The following JAK1 variants were observed in gnomAD, a reference collection of about 807,000 sequenced individuals.
The protein encoded by JAK1 is Janus kinase 1, also known as tyrosine-protein kinase JAK1.
Under a neutral mutation model 136.6 loss-of-function variants are expected in JAK1, and 16 were observed. The observed-to-expected ratio is 0.12, with a 90% CI of 0.08 to 0.18. The LOEUF is 0.18. Among genes scored for constraint, JAK1 ranks in the 10% least tolerant of loss-of-function variants. JAK1 has a pLI of 1.00. For missense variants in JAK1, 859 were observed against 1,450.1 expected, an observed-to-expected ratio of 0.59 and a Z score of 6.62; for synonymous variants, 492 against 519.5, an observed-to-expected ratio of 0.95 and a Z score of 0.72.
intron 1 of JAK1, among the ~76,000 whole-genome samples, chr1:64,903,200 C>T (rs1412530185): frequency 1.3e-5 from 2 of 152,074 alleles, no homozygotes; most frequent in African/African-American, 4.8e-5. Flanking sequence ...TTAATTTTTG[C>T]ATTTTTAGTA....
intron 1 of JAK1, among the ~76,000 whole-genome samples, chr1:65,056,989 G>A (rs1647575059): frequency 6.6e-6 from 1 of 150,998 alleles, no homozygotes; most frequent in South Asian, 2.1e-4. Flanking sequence ...TCTCTCTGTG[G>A]TAGGTAGGTT....
chr1:65,047,612 G>C (rs1240877378), intron 1 of JAK1, among the ~76,000 whole-genome samples: 5 of 152,040 alleles, frequency 3.3e-5, no homozygotes, highest in Admixed American at 6.5e-5. Context: ...CCAGCTACTC[G>C]GGAGGCTGAG....
chr1:64,918,885 G>A (rs879152268), intron 1 of JAK1, among the ~76,000 whole-genome samples: 3 of 151,790 alleles, frequency 2.0e-5, no homozygotes, highest in Admixed American at 6.6e-5. Flanking sequence ...CAAATACTAC[G>A]CTTCTTTAAA....
In JAK1 at chr1:64,939,371, C is replaced by T. The variant is rs371981722; in HGVS notation, c.-78+26962G>A. On this transcript the variant is annotated intron_variant, in intron 1 of 24. Transcript: ENST00000342505. ...CACAGGACAAGGAAAGAAGTTCAAACGTCTAATCAGTGCCAACTTCCATAC... is the reference window on the plus strand; with the variant it reads ...CACAGGACAAGGAAAGAAGTTCAAATGTCTAATCAGTGCCAACTTCCATAC... 3.9e-5 allele frequency among the ~76,000 whole-genome samples: 6 copies of T among 152,196 alleles called. No individual in the cohort carries two copies. In the East Asian group the frequency reaches 5.8e-4, roughly 15 times the overall value.
upstream of JAK1, among the ~76,000 whole-genome samples, chr1:64,967,882 T>A (rs1646411516): frequency 6.6e-6 from 1 of 152,100 alleles, no homozygotes; most frequent in South Asian, 2.1e-4. Flanking sequence ...ATTGTGGGTG[T>A]TTGTGTGCAA....
intron 2 of JAK1, among the ~76,000 whole-genome samples, chr1:65,022,465 G>A (rs1291005700): frequency 6.6e-6 from 1 of 152,096 alleles, no homozygotes; most frequent in Non-Finnish European, 1.5e-5. Flanking sequence ...CTGCATTTTA[G>A]GATTTCCATA....
rs2100959645 is a variant in JAK1 at position 64,839,637 on chromosome 1, G to A, written c.2808C>T (p.Asn936=). The stretch of plus-strand genomic sequence containing the variant: ...TGCAGATTCCTTTGTACTTCACAAT[G>A]TTCTCATGATAGAGGTTCCTTAAGA... ...IEILRNLYHE[N]IVKYKGICTE... The change falls in exon 20 of 25, where the codon AAC becomes AAT. Residue 936 remains asparagine (N), a synonymous_variant. Transcript: ENST00000342505. 1 of 1,614,184 alleles carries A rather than the reference G, an allele frequency of 6.2e-7. No homozygotes were observed. The highest frequency in any genetic ancestry group is 8.5e-7 in the Non-Finnish European group (1 of 1,180,010).
At chr1:64,941,536 A>G (rs2100519041) in intron 1 of JAK1, among the ~76,000 whole-genome samples, 1 of 152,340 alleles carries the variant, frequency 6.6e-6, no homozygotes, top group Admixed American at 6.5e-5. Context: ...AATTATTTCA[A>G]ATTTCCCATG....
rs748932663 is a variant in JAK1 at position 64,873,363 on chromosome 1, T to G, written c.483+7A>C. 1 of 1,614,036 alleles carries G rather than the reference T, an allele frequency of 6.2e-7. No individual in the cohort carries two copies. The highest frequency in any genetic ancestry group is 1.1e-5 in the South Asian group (1 of 91,068). On this transcript the variant is annotated splice_region_variant and intron_variant, in intron 5 of 24. Transcript: ENST00000342505. ...ACTCCAGCTTCTCCTGGGCCCAAAC[T>G]TCCTACCTGAGCAAACAGATACTCC...
intron 1 of JAK1, among the ~76,000 whole-genome samples, chr1:64,897,479 G>A (rs755666865): frequency 5.3e-4 from 2 of 3,760 alleles, no homozygotes; most frequent in Non-Finnish European, 1.3e-3. Context: ...GGAGGAGGGG[G>A]GGAGGGGGAG....
At chr1:64,860,349 GATTTTTATAA>G in intron 8 of JAK1, 87 bp from the exon 9 acceptor site, 1 of 1,113,472 alleles carries the variant, frequency 9.0e-7, no homozygotes. Flanking sequence ...ACAGTGAGAA[GATTTTTATAA>G]CCCAATGGGA....
chr1:64,880,692 A>T (rs1306533452), intron 3 of JAK1, among the ~76,000 whole-genome samples: 1 of 152,222 alleles, frequency 6.6e-6, no homozygotes. Flanking sequence ...TTGGCCGGGC[A>T]AAGTGGCTCA....
chr1:65,034,829 C>T (rs186175385), intron 2 of JAK1, among the ~76,000 whole-genome samples: 16 of 152,110 alleles, frequency 1.1e-4, no homozygotes, highest in South Asian at 4.2e-4. Context: ...CCAAGGCGGG[C>T]GGATCACTTG....
At chr1:65,005,909 T>A (rs1402638184) in intron 2 of JAK1, among the ~76,000 whole-genome samples, 1 of 151,960 alleles carries the variant, frequency 6.6e-6, no homozygotes, top group African/African-American at 2.4e-5. Flanking sequence ...AAGTTGCCAT[T>A]CCAGATATTA....
At chr1:64,983,885 A>T (rs978802633) in intron 2 of JAK1, among the ~76,000 whole-genome samples, 10 of 152,366 alleles carry the variant, frequency 6.6e-5, no homozygotes, top group Admixed American at 6.5e-4. Context: ...TGAGAAATTA[A>T]ACTTAAGAGT....
At chr1:64,836,055 T>C in intron 23 of JAK1, 43 bp downstream of exon 23, 1 of 1,076,758 alleles carries the variant, frequency 9.3e-7, no homozygotes, top group Non-Finnish European at 1.4e-6. Context: ...GGACACATTT[T>C]AAATGGGTAC....
chr1:64,847,395 GA>G, intron 13 of JAK1, 136 bp downstream of exon 13: 1 of 1,008,952 alleles, frequency 9.9e-7, no homozygotes, highest in Non-Finnish European at 1.5e-6. Context: ...CATATGTGGA[GA>G]AAAAAATTCT....
intron 1 of JAK1, among the ~76,000 whole-genome samples, chr1:65,059,605 G>T (rs1284612603): frequency 6.6e-6 from 1 of 152,034 alleles, no homozygotes; most frequent in Admixed American, 6.6e-5. Flanking sequence ...GTACCTTTGA[G>T]ACGTACTCTG....
chr1:64,942,701 T>C (rs1645912308), intron 1 of JAK1, among the ~76,000 whole-genome samples: 1 of 152,182 alleles, frequency 6.6e-6, no homozygotes, highest in Non-Finnish European at 1.5e-5. Context: ...GCAAATGCCA[T>C]GCCTGCCTTA....
Sources: allele counts gnomAD v4.1 joint callset (sites outside exome capture counted in the v4.1 genomes callset), GRCh38; gene constraint gnomAD v4.1.1; transcripts MANE v1.5; gene names NCBI Gene and HGNC (gene_info 2026-07-23, HGNC 2026-07-21).